DNAH6: variants seen among roughly 807,000 people sequenced by gnomAD.
DNAH6 encodes dynein axonemal heavy chain 6.
DNAH6 carries 340 observed loss-of-function variants against 491.4 expected under a neutral mutation model. That is an observed-to-expected ratio of 0.69 (90% CI 0.63 to 0.76). DNAH6 has a LOEUF of 0.76. Ranked by LOEUF, DNAH6 falls within the 30% of genes least tolerant of loss-of-function variation. The pLI, the probability that DNAH6 is intolerant of heterozygous loss-of-function variation, is 0.00. For missense variants in DNAH6, 4,443 were observed against 4,972.2 expected, an observed-to-expected ratio of 0.89 and a Z score of 3.20; for synonymous variants, 1,603 against 1,686.1, an observed-to-expected ratio of 0.95 and a Z score of 1.21.
intron 64 of DNAH6, among the ~76,000 whole-genome samples, chr2:84,767,204 A>C (rs1224847145): frequency 1.3e-5 from 2 of 152,188 alleles, no homozygotes; most frequent in Non-Finnish European, 2.9e-5. Context: ...ATTGGCAGAC[A>C]ATTTAAATTA....
chr2:84,816,382 CT>C (rs1680487583), intron 76 of DNAH6, among the ~76,000 whole-genome samples: 1 of 152,098 alleles, frequency 6.6e-6, no homozygotes, highest in African/African-American at 2.4e-5. Context: ...ACGAAAATCT[CT>C]TTTTTCTCAC....
At chr2:84,601,239 CAA>C (rs57220860) in intron 18 of DNAH6, among the ~76,000 whole-genome samples, 1 of 150,272 alleles carries the variant, frequency 6.7e-6, no homozygotes. Flanking sequence ...GAATTTTAGG[CAA>C]AAAAAAATGT....
At chr2:84,613,324 T>C (rs1427944798) in intron 22 of DNAH6, among the ~76,000 whole-genome samples, 3 of 152,062 alleles carry the variant, frequency 2.0e-5, no homozygotes, top group Non-Finnish European at 4.4e-5. Context: ...TGCCCAATTG[T>C]TTGCAAGGAA....
intron 59 of DNAH6, among the ~76,000 whole-genome samples, chr2:84,722,312 A>T (rs1315344830): frequency 1.3e-5 from 2 of 152,170 alleles, no homozygotes; most frequent in East Asian, 3.9e-4. Context: ...AGCAATTAGG[A>T]GTGCTGTGAT....
intron 58 of DNAH6, among the ~76,000 whole-genome samples, chr2:84,716,104 T>C (rs1227337144): frequency 6.7e-6 from 1 of 150,006 alleles, no homozygotes; most frequent in African/African-American, 2.5e-5. Flanking sequence ...TATGTATATA[T>C]GTGTGTATAT....
intron 62 of DNAH6, among the ~76,000 whole-genome samples, chr2:84,744,691 T>C (rs1484405430): frequency 2.0e-5 from 3 of 152,212 alleles, no homozygotes; most frequent in Non-Finnish European, 4.4e-5. Context: ...GTTTTTATTA[T>C]GGATTTGTTA....
intron 16 of DNAH6, among the ~76,000 whole-genome samples, chr2:84,590,678 G>T (rs1443772363): frequency 6.6e-6 from 1 of 152,044 alleles, no homozygotes; most frequent in Non-Finnish European, 1.5e-5. Flanking sequence ...ACAAAGGCAA[G>T]TTGACAGTCT....
At chr2:84,607,393 A>G (rs942999091) in intron 21 of DNAH6, among the ~76,000 whole-genome samples, 59 of 152,254 alleles carry the variant, frequency 3.9e-4, no homozygotes, top group African/African-American at 1.3e-3. Context: ...AGCCACATGA[A>G]TTTTTTGGTT....
Position 84,697,629 on chromosome 2 carries a change from G to A in DNAH6, c.7579G>A (p.Val2527Met). Reference protein sequence around the residue: ...DINNILNSGEVPNLFEKDELE... With the variant: ...DINNILNSGEMPNLFEKDELE... ...AAATAACATCCTGAACTCAGGTGAA[G>A]TGCCTAATTTATTTGAAAAGGATGA... is the stretch of plus-strand genomic sequence containing the variant. Residue 2527 changes from valine (V) to methionine (M), a missense_variant, in exon 47 of 77, where the codon GTG (valine) becomes ATG (methionine). Around this residue, in one of 3 missense-constraint regions of DNAH6, gnomAD observed 2,977 missense variants for 3,296.6 expected, o/e 0.90. Transcript: ENST00000389394. 6.4e-7 allele frequency: 1 copy of A among 1,552,044 alleles called. No homozygotes were observed. Among genetic ancestry groups the A allele is most frequent in the Non-Finnish European group, 8.7e-7 (1 of 1,147,032 alleles).
At chr2:84,774,521 A>G (rs746886991) in intron 64 of DNAH6, among the ~76,000 whole-genome samples, 4 of 151,876 alleles carry the variant, frequency 2.6e-5, no homozygotes, top group Non-Finnish European at 5.9e-5. Context: ...TGTTCTTTTT[A>G]CACGGGATTG....
chr2:84,609,577 A>G (rs1464632139), intron 21 of DNAH6, among the ~76,000 whole-genome samples: 2 of 152,094 alleles, frequency 1.3e-5, no homozygotes, highest in African/African-American at 4.8e-5. Context: ...CTTATCAATT[A>G]AGTTTGCCAT....
intron 56 of DNAH6, among the ~76,000 whole-genome samples, chr2:84,710,800 G>A (rs1696967177): frequency 6.6e-6 from 1 of 151,614 alleles, no homozygotes; most frequent in South Asian, 2.1e-4. Context: ...TTTTTTACTT[G>A]GGCATAAGTC....
At chr2:84,494,666 A>G in the DNAH6 span, among the ~76,000 whole-genome samples, 1 of 152,194 alleles carries the variant, frequency 6.6e-6, no homozygotes, top group Non-Finnish European at 1.5e-5. Flanking sequence ...CCAAAACAGA[A>G]CTTTCTGAAA....
the DNAH6 span, among the ~76,000 whole-genome samples, chr2:84,490,767 G>A: frequency 6.6e-6 from 1 of 152,078 alleles, no homozygotes; most frequent in East Asian, 1.9e-4. Flanking sequence ...TCACCATGTT[G>A]GCCATGCTGG....
At chr2:84,506,920 G>A in the DNAH6 span, among the ~76,000 whole-genome samples, 4 of 151,954 alleles carry the variant, frequency 2.6e-5, no homozygotes, top group East Asian at 1.9e-4. Context: ...TGTTCCATTG[G>A]TCTATATCTC....
intron 23 of DNAH6, among the ~76,000 whole-genome samples, chr2:84,618,263 C>T (rs1038804679): frequency 8.5e-5 from 13 of 152,170 alleles, no homozygotes; most frequent in African/African-American, 2.4e-4. Context: ...ACCAAAGTCT[C>T]GGCTTCCTGC....
rs952600815 is a variant in DNAH6, at chr2:84,605,444, A to G, written c.3082-56A>G. ...TATTTATTTCATTTCACGTGCATTT[A>G]TTGAGTATCTAAACACACTGAATTT... On this transcript the variant is annotated intron_variant, in intron 19 of 76. Transcript: ENST00000389394. 2.6e-6 allele frequency: 3 copies of G among 1,167,952 alleles called. No homozygotes were observed. The African/African-American group carries it at 4.6e-5, about 18-fold the overall frequency. 72.3% of individuals were successfully genotyped at this position (1,167,952 alleles called of 1,614,324 possible).
At chr2:84,671,936 A>G (rs1201334998) in intron 39 of DNAH6, among the ~76,000 whole-genome samples, 1 of 152,238 alleles carries the variant, frequency 6.6e-6, no homozygotes. Context: ...CATTTATGAA[A>G]GGAAACTTTG....
chr2:84,789,423 G>A (rs986383295), intron 68 of DNAH6, among the ~76,000 whole-genome samples: 2 of 152,200 alleles, frequency 1.3e-5, no homozygotes, highest in African/African-American at 4.8e-5. Flanking sequence ...ATTTAAGCAA[G>A]TGCAGTCAAG....
Sources: gnomAD v4.1 joint callset for allele counts (sites outside exome capture counted in the v4.1 genomes callset) on GRCh38, gnomAD v4.1.1 for gene constraint, gnomAD v4.1.1 regional missense constraint, MANE v1.5 for transcripts, NCBI Gene and HGNC (gene_info 2026-07-23, HGNC 2026-07-21) for gene names.